The following LSG1 variants were observed in gnomAD, a reference collection of about 807,000 sequenced individuals.
LSG1 encodes the protein large 60S subunit nuclear export GTPase 1, also known as large subunit GTPase 1 homolog.
In LSG1, 55 loss-of-function variants were observed where a neutral mutation model predicts 82.6. That is an observed-to-expected ratio of 0.67 (90% CI 0.54 to 0.83). The LOEUF (loss-of-function observed/expected upper bound fraction) is 0.83, where lower values mean the gene tolerates loss of function less well. Ranked by LOEUF, LSG1 falls within the 40% of genes least tolerant of loss-of-function variation. The pLI is 0.00. For synonymous variants in LSG1, 272 were observed against 282.5 expected (o/e 0.96, Z 0.37); for missense variants, 809 against 807.9 (o/e 1.00, Z -0.02).
intron 5 of LSG1, 69 bp downstream of exon 5, chr3:194,665,488 T>C: frequency 8.6e-7 from 1 of 1,166,766 alleles, no homozygotes. Flanking sequence ...TATAAGCCTA[T>C]ATCAACAGCC....
In LSG1 at chr3:194,641,443, T is replaced by A. The variant is rs538452831; in HGVS notation, c.*625A>T. On this transcript the variant is annotated 3_prime_UTR_variant, in exon 14 of 14. Coordinates refer to ENST00000265245, the MANE Select transcript of LSG1 (RefSeq NM_018385.3). ...GGGCTAGGTAGTAAATACCGCAGCT[T>A]CCCTGTCACCCGGTGGTTACATTCT... is the stretch of plus-strand genomic sequence containing the variant. The A allele has an allele frequency of 6.6e-6, 1 of 152,308 alleles. No individual in the cohort carries two copies. The highest frequency in any genetic ancestry group is 6.5e-5 in the Admixed American group (1 of 15,304). 9.4% of individuals were successfully genotyped at this position (152,308 alleles called of 1,614,324 possible). A position where few individuals can be genotyped will look rare whatever the true frequency, so the allele number is the denominator to read the frequency against.
chr3:194,650,302 T>G (rs1718647842), intron 10 of LSG1, among the ~76,000 whole-genome samples: 1 of 152,212 alleles, frequency 6.6e-6, no homozygotes, highest in African/African-American at 2.4e-5. Flanking sequence ...AGTTAATTCA[T>G]TATGCTGCTG....
At chr3:194,671,147 C>G (rs1006423173) in intron 1 of LSG1, among the ~76,000 whole-genome samples, 1 of 152,038 alleles carries the variant, frequency 6.6e-6, no homozygotes. Context: ...ATATTAAGGG[C>G]CAAAAGTTTA....
At position 194,666,262 on chromosome 3, in the gene LSG1, TG is replaced by T; in HGVS notation, c.374del (p.Pro125GlnfsTer13). 6.2e-7 allele frequency: 1 copy of T among 1,613,624 alleles called. No individual in the cohort carries two copies. Among genetic ancestry groups the T allele is most frequent in the Non-Finnish European group, 8.5e-7 (1 of 1,179,704 alleles). ...CTTTCTCTGCTTGTTTGAGTTCTTCTGGGGTAGTATTTTGGTTCCAGTTTGG... is the reference window on the plus strand; with the variant it reads ...CTTTCTCTGCTTGTTTGAGTTCTTCTGGGTAGTATTTTGGTTCCAGTTTGG... ...RRPNWNQNTT[P>X]EELKQAEKDN... is the part of the protein sequence containing the mutation. On this transcript the variant is annotated frameshift_variant, in exon 4 of 14. Coordinates refer to ENST00000265245, the MANE Select transcript of LSG1 (RefSeq NM_018385.3). LOFTEE classifies it high-confidence loss of function.
rs140007217 is a variant in LSG1, at chr3:194,644,694, T to A, written c.1676A>T (p.Gln559Leu). Reference protein sequence around the residue: ...PPPGRDPVTFQHQHQRLLENK... With the variant: ...PPPGRDPVTFLHQHQRLLENK... ...CTCTAGGAGTCGCTGGTGTTGATGC[T>A]GAAAAGTTACAGGATCTCTTCCAGG... The change falls in exon 13 of 14, where the codon CAG (glutamine) becomes CTG (leucine). Residue 559 changes from glutamine to leucine, a missense_variant. Transcript: ENST00000265245. 1 of 1,610,266 alleles carries A rather than the reference T, an allele frequency of 6.2e-7. No homozygotes were observed. The highest frequency in any genetic ancestry group is 1.3e-5 in the African/African-American group (1 of 74,876).
intron 10 of LSG1, among the ~76,000 whole-genome samples, chr3:194,649,692 A>G (rs1219309033): frequency 6.6e-6 from 1 of 152,000 alleles, no homozygotes; most frequent in East Asian, 1.9e-4. Flanking sequence ...TCCATCTCAA[A>G]AACAAAAAAA....
intron 7 of LSG1, among the ~76,000 whole-genome samples, chr3:194,658,754 C>G (rs1718858363): frequency 2.6e-5 from 4 of 152,170 alleles, no homozygotes; most frequent in African/African-American, 9.7e-5. Flanking sequence ...TGTAACAACA[C>G]TGGAGAGGTC....
In LSG1 at chr3:194,655,039, G is replaced by A. The variant is rs868073094; in HGVS notation, c.760-1897C>T. On this transcript the variant is annotated intron_variant, in intron 7 of 13. Coordinates refer to ENST00000265245, the MANE Select transcript of LSG1 (RefSeq NM_018385.3). ...TTTGATACCCAAATTACAGATATTA[G>A]TATCAAGTTACAAGTAAGACTTCAC... is the stretch of plus-strand genomic sequence containing the variant. Among the ~76,000 whole-genome samples the A allele has an allele frequency of 5.9e-5, 9 of 152,176 alleles. No homozygotes were observed. In the South Asian group the frequency reaches 1.7e-3, roughly 28 times the overall value.
intron 13 of LSG1, among the ~76,000 whole-genome samples, chr3:194,644,236 C>A (rs1692643470): frequency 6.6e-6 from 1 of 151,734 alleles, no homozygotes; most frequent in Non-Finnish European, 1.5e-5. Context: ...GTGGCGGGCG[C>A]CTGTAGTCCC....
chr3:194,667,942 A>AAATATATACATATATATATAT (rs1416407494), intron 2 of LSG1, among the ~76,000 whole-genome samples: 3 of 86,968 alleles, frequency 3.4e-5, no homozygotes, highest in South Asian at 4.2e-4. Flanking sequence ...AAAAAAAAAA[A>AAATATATACATATATATATAT]ATATATATAT....
Position 194,646,159 on chromosome 3 carries a change from C to T in LSG1, c.1623+5G>A. 1 of 1,613,710 alleles carries T rather than the reference C, an allele frequency of 6.2e-7. No homozygotes were observed. The highest frequency in any genetic ancestry group is 1.1e-5 in the South Asian group (1 of 91,064). ...TGGAGAGCATGAGAGGCAGGGTTCA[C>T]TTACACTGACATAGTCCTTCAGGAT... On this transcript the variant is annotated splice_donor_5th_base_variant and intron_variant, in intron 12 of 13. Transcript: ENST00000265245.
intron 8 of LSG1, among the ~76,000 whole-genome samples, chr3:194,652,125 C>T (rs1259146408): frequency 6.6e-6 from 1 of 152,136 alleles, no homozygotes; most frequent in Non-Finnish European, 1.5e-5. Context: ...TAATCAATAC[C>T]TTCTCTAACA....
intron 13 of LSG1, among the ~76,000 whole-genome samples, chr3:194,644,222 C>A (rs1170409338): frequency 5.3e-5 from 8 of 151,634 alleles, no homozygotes; most frequent in African/African-American, 1.2e-4. Context: ...ATTAGCCGGG[C>A]GTGGTGGCGG....
intron 3 of LSG1, 75 bp downstream of exon 3, chr3:194,666,377 A>G (rs1416380230): frequency 6.2e-6 from 10 of 1,600,832 alleles, no homozygotes. Context: ...CAGCTGAGAA[A>G]AAGAAGCAAT....
rs1416407494 is a variant in LSG1 at position 194,667,942 on chromosome 3, A to AAAAAAAAAAAAAAAAATAT, written c.227-1371_227-1370insATATTTTTTTTTTTTTTTT. On this transcript the variant is annotated intron_variant, in intron 2 of 13. Transcript: ENST00000265245. ...CCGTCTCAAAAAAAAAAAAAAAAAAAATATATATATATATATATATATATA... is the reference window on the plus strand; with the variant it reads ...CCGTCTCAAAAAAAAAAAAAAAAAAAAAAAAAAAAAAAAAAATATATATATATATATATATATATATATA... 2.3e-4 allele frequency among the ~76,000 whole-genome samples: 20 copies of AAAAAAAAAAAAAAAAATAT among 86,956 alleles called. 1 individual carries two copies. Among genetic ancestry groups the AAAAAAAAAAAAAAAAATAT allele is most frequent in the Admixed American group, 6.1e-4 (4 of 6,540 alleles). 57.0% of individuals were successfully genotyped at this position (86,956 alleles called of 152,430 possible). A position where few individuals can be genotyped will look rare whatever the true frequency, so the allele number is the denominator to read the frequency against.
intron 5 of LSG1, among the ~76,000 whole-genome samples, chr3:194,662,964 G>A (rs1718963831): frequency 6.6e-6 from 1 of 152,132 alleles, no homozygotes; most frequent in Non-Finnish European, 1.5e-5. Flanking sequence ...CTTAAAGACA[G>A]ATAAACACCA....
rs184301558 is a variant in LSG1 at position 194,648,359 on chromosome 3, G to A, written c.1543+322C>T. Among the ~76,000 whole-genome samples, 22 of 152,042 alleles carry A rather than the reference G, an allele frequency of 1.4e-4. 1 individual carries two copies. In the South Asian group the frequency reaches 2.1e-3, roughly 14 times the overall value. On this transcript the variant is annotated intron_variant, in intron 11 of 13. Transcript: ENST00000265245. ...CCTAACTCTCCTGCCTCGCTGTGGC[G>A]TGCGGATTCATTTTCTTCCACACAT...
rs1031912043 is a variant in LSG1 at position 194,653,230 on chromosome 3, G to A, written c.760-88C>T. 27 of 1,380,288 alleles carry A rather than the reference G, an allele frequency of 2.0e-5. No homozygotes were observed. The East Asian group carries it at 2.8e-4, about 14-fold the overall frequency. The allele number at this position is 1,380,288 out of a possible 1,614,324, so 85.5% of individuals were successfully genotyped here. A position where few individuals can be genotyped will look rare whatever the true frequency, so the allele number is the denominator to read the frequency against. ...TTAATGAGTTGTAAGATGGACAGAG[G>A]ATGGCTGGGCGTGGTGGCTCAAGCC... On this transcript the variant is annotated intron_variant, in intron 7 of 13. Transcript: ENST00000265245.
chr3:194,654,652 G>C lies in LSG1; in HGVS notation c.760-1510C>G, dbSNP rs149970872. Among the ~76,000 whole-genome samples the C allele has an allele frequency of 4.9e-4, 75 of 152,274 alleles. 2 individuals carry two copies. In the East Asian group the frequency reaches 0.012, roughly 24 times the overall value. ...GCTCTTTTGAGTCATTTTCAAATATGAAAGTAGCATAAAAACAAGAATGTG... is the reference window on the plus strand; with the variant it reads ...GCTCTTTTGAGTCATTTTCAAATATCAAAGTAGCATAAAAACAAGAATGTG... On this transcript the variant is annotated intron_variant, in intron 7 of 13. Coordinates refer to ENST00000265245, the MANE Select transcript of LSG1 (RefSeq NM_018385.3).
Sources: gnomAD v4.1 joint callset for allele counts (sites outside exome capture counted in the v4.1 genomes callset) on GRCh38, gnomAD v4.1.1 for gene constraint, MANE v1.5 for transcripts, NCBI Gene and HGNC (gene_info 2026-07-23, HGNC 2026-07-21) for gene names.